The following MDGA2 variants were observed in gnomAD, a reference collection of about 807,000 sequenced individuals.
MDGA2 encodes MAM domain-containing glycosylphosphatidylinositol anchor protein 2.
Under a neutral mutation model 117.8 loss-of-function variants are expected in MDGA2, and 40 were observed. The ratio of observed to expected loss-of-function variants is 0.34; its 90% CI spans 0.26 to 0.44. The LOEUF (loss-of-function observed/expected upper bound fraction) is 0.44, where lower values mean the gene tolerates loss of function less well. Ranked by LOEUF, MDGA2 falls within the 20% of genes least tolerant of loss-of-function variation. The probability of loss-of-function intolerance (pLI) is 1.00; values close to 1 mark genes in which losing one functional copy is unlikely to be tolerated. For missense variants in MDGA2, 1,123 were observed against 1,250.6 expected, an observed-to-expected ratio of 0.90 and a Z score of 1.54; for synonymous variants, 452 against 439.0, an observed-to-expected ratio of 1.03 and a Z score of -0.37.
At chr14:47,462,327 G>C (rs1893505405) in intron 1 of MDGA2, among the ~76,000 whole-genome samples, 1 of 141,898 alleles carries the variant, frequency 7.0e-6, no homozygotes, top group Non-Finnish European at 1.5e-5. Flanking sequence ...AGTGAGCCCA[G>C]ATCGTGCCAC....
intron 1 of MDGA2, among the ~76,000 whole-genome samples, chr14:47,376,659 C>G (rs2138406111): frequency 6.6e-6 from 1 of 152,206 alleles, no homozygotes; most frequent in Admixed American, 6.5e-5. Flanking sequence ...CTCCATTTTC[C>G]TGTCTTCTTT....
At chr14:47,353,705 G>A (rs938724806) in intron 1 of MDGA2, among the ~76,000 whole-genome samples, 1 of 152,154 alleles carries the variant, frequency 6.6e-6, no homozygotes, top group African/African-American at 2.4e-5. Flanking sequence ...GAACCAGAAA[G>A]CTGCATGGCT....
chr14:47,418,474 C>G (rs917804671), intron 1 of MDGA2, among the ~76,000 whole-genome samples: 1 of 152,108 alleles, frequency 6.6e-6, no homozygotes, highest in Non-Finnish European at 1.5e-5. Flanking sequence ...CTTTCTGATT[C>G]CTAGATGATG....
rs537033069 is a variant in MDGA2 at position 47,377,123 on chromosome 14, T to C, written c.281-75573A>G. On this transcript the variant is annotated intron_variant, in intron 1 of 16. Coordinates refer to ENST00000399232, the MANE Select transcript of MDGA2 (RefSeq NM_001113498.3). ...GAAATGGGTACTTAGAATGAGATGA[T>C]ATATAAAGTGGCAAAGAGGTAGATT... 4.6e-5 allele frequency among the ~76,000 whole-genome samples: 7 copies of C among 152,194 alleles called. No individual in the cohort carries two copies. The South Asian group carries it at 1.4e-3, about 32-fold the overall frequency.
intron 2 of MDGA2, among the ~76,000 whole-genome samples, chr14:47,224,591 T>C (rs1886416747): frequency 6.6e-6 from 1 of 152,204 alleles, no homozygotes; most frequent in Non-Finnish European, 1.5e-5. Context: ...GATGTACTCA[T>C]GTCAATGTGA....
intron 1 of MDGA2, among the ~76,000 whole-genome samples, chr14:47,654,403 G>C (rs768450245): frequency 5.3e-5 from 8 of 151,990 alleles, no homozygotes; most frequent in Non-Finnish European, 1.0e-4. Flanking sequence ...AAGAATGTAA[G>C]TCCCACCCAG....
In MDGA2 at chr14:46,924,364, G is replaced by T. The variant is rs564711653; in HGVS notation, c.2090-4204C>A. On this transcript the variant is annotated intron_variant, in intron 9 of 16. Coordinates refer to ENST00000399232, the MANE Select transcript of MDGA2 (RefSeq NM_001113498.3). ...TTCCCACTATGAACACTTAAAATGTGCTCGGATAAAGGAACTGATTTCAGT... is the reference window on the plus strand; with the variant it reads ...TTCCCACTATGAACACTTAAAATGTTCTCGGATAAAGGAACTGATTTCAGT... Among the ~76,000 whole-genome samples, 5 of 151,996 alleles carry T rather than the reference G, an allele frequency of 3.3e-5. No homozygotes were observed. The South Asian group carries it at 1.0e-3, about 32-fold the overall frequency.
chr14:47,301,592 T>A, intron 1 of MDGA2, 42 bp from the exon 2 acceptor site: 3 of 1,549,114 alleles, frequency 1.9e-6, no homozygotes, highest in Non-Finnish European at 2.6e-6. Context: ...CATGAAAAGG[T>A]AAGTCAGTGA....
At chr14:47,071,222 G>A (rs907701139) in intron 6 of MDGA2, among the ~76,000 whole-genome samples, 1 of 152,188 alleles carries the variant, frequency 6.6e-6, no homozygotes, top group African/African-American at 2.4e-5. Context: ...AAGTACGAGA[G>A]TATTTGAGAG....
At chr14:47,156,043 G>A (rs1883373462) in intron 3 of MDGA2, among the ~76,000 whole-genome samples, 1 of 150,826 alleles carries the variant, frequency 6.6e-6, no homozygotes. Flanking sequence ...GGCGTAGCTG[G>A]GATTACAGGT....
chr14:47,083,158 A>G (rs1194875679), intron 6 of MDGA2, among the ~76,000 whole-genome samples: 1 of 152,032 alleles, frequency 6.6e-6, no homozygotes, highest in Non-Finnish European at 1.5e-5. Flanking sequence ...GAAAAAGTAA[A>G]TATCTGCAGA....
At chr14:47,337,478 T>C (rs1890494984) in intron 1 of MDGA2, among the ~76,000 whole-genome samples, 1 of 151,978 alleles carries the variant, frequency 6.6e-6, no homozygotes, top group Non-Finnish European at 1.5e-5. Context: ...AACAAGGCTT[T>C]TGTGTCAATT....
At chr14:47,133,302 T>C (rs1275373068) in intron 4 of MDGA2, among the ~76,000 whole-genome samples, 4 of 151,916 alleles carry the variant, frequency 2.6e-5, no homozygotes, top group Non-Finnish European at 5.9e-5. Flanking sequence ...ATAAAATGCC[T>C]AGAAAGTGGG....
intron 3 of MDGA2, among the ~76,000 whole-genome samples, chr14:47,165,272 A>T (rs1478836065): frequency 6.6e-6 from 1 of 152,184 alleles, no homozygotes; most frequent in Admixed American, 6.5e-5. Flanking sequence ...AAAAAAGAAC[A>T]GTCCCATTTC....
chr14:47,160,494 T>C (rs1332004378), intron 3 of MDGA2, among the ~76,000 whole-genome samples: 1 of 152,122 alleles, frequency 6.6e-6, no homozygotes, highest in Non-Finnish European at 1.5e-5. Flanking sequence ...AGCGAAACCC[T>C]GCCTCTACAA....
At chr14:46,933,830 A>T (rs1254916590) in intron 9 of MDGA2, among the ~76,000 whole-genome samples, 1 of 62,042 alleles carries the variant, frequency 1.6e-5, no homozygotes, top group African/African-American at 4.5e-5. Flanking sequence ...ATATATATAT[A>T]TATATATATA....
At chr14:47,303,961 G>A (rs550219686) in intron 1 of MDGA2, among the ~76,000 whole-genome samples, 1 of 151,996 alleles carries the variant, frequency 6.6e-6, no homozygotes, top group Non-Finnish European at 1.5e-5. Context: ...CATTTACAAG[G>A]GTTAATTTTC....
chr14:47,062,499 CTT>C (rs5808374), intron 6 of MDGA2, among the ~76,000 whole-genome samples: 12,504 of 145,572 alleles, frequency 0.086, 670 homozygotes, highest in Admixed American at 0.14. Flanking sequence ...ACAGATTTTT[CTT>C]TTTTTTTTTT....
intron 9 of MDGA2, among the ~76,000 whole-genome samples, chr14:46,927,592 TG>T (rs1233716881): frequency 2.6e-5 from 4 of 152,278 alleles, no homozygotes; most frequent in Admixed American, 6.5e-5. Flanking sequence ...GTGAAGTCAA[TG>T]ACAACATCTC....
Sources: gnomAD v4.1 joint callset for allele counts (sites outside exome capture counted in the v4.1 genomes callset) on GRCh38, gnomAD v4.1.1 for gene constraint, MANE v1.5 for transcripts, NCBI Gene and HGNC (gene_info 2026-07-23, HGNC 2026-07-21) for gene names.